Variants in FRS2 observed in about 807,000 individuals in gnomAD.
FRS2 encodes FGFR signalling adaptor.
In FRS2, 8 loss-of-function variants were observed where a neutral mutation model predicts 43.9. The observed-to-expected ratio is 0.18, with a 90% confidence interval of 0.11 to 0.33. The LOEUF is 0.33. FRS2 is among the 10% of genes least tolerant of loss of function. FRS2 has a pLI of 1.00. For synonymous variants in FRS2, 219 were observed against 220.3 expected (o/e 0.99, Z 0.05); for missense variants, 534 against 627.6 (o/e 0.85, Z 1.59).
At position 69,527,343 on chromosome 12, in the gene FRS2, AT is replaced by A. The variant is rs1166365306; in HGVS notation, c.-260-3501del. Among the ~76,000 whole-genome samples, 193 of 84,234 alleles carry A rather than the reference AT, an allele frequency of 2.3e-3. 3 individuals carry two copies. The highest frequency in any genetic ancestry group is 5.2e-3 in the East Asian group (10 of 1,912). The allele number at this position is 84,234 out of a possible 152,430, so 55.3% of individuals were successfully genotyped here. A position where few individuals can be genotyped will look rare whatever the true frequency, so the allele number is the denominator to read the frequency against. On this transcript the variant is annotated intron_variant, in intron 1 of 8. Transcript: ENST00000549921. ...GAGCAAAGTTTTTTTTTTTTTAATG[AT>A]TTTTTTTTTTTTTTTTTTTTAAAGA... is the stretch of plus-strand genomic sequence containing the variant.
chr12:69,543,839 G>A (rs900559852), intron 3 of FRS2, among the ~76,000 whole-genome samples: 1 of 152,116 alleles, frequency 6.6e-6, no homozygotes, highest in African/African-American at 2.4e-5. Context: ...TATGGAGAGA[G>A]AAGAATTTTA....
chr12:69,566,019 T>G (rs1880266619), intron 4 of FRS2, among the ~76,000 whole-genome samples: 1 of 151,962 alleles, frequency 6.6e-6, no homozygotes. Context: ...AACACATGAA[T>G]AATGTGTTGC....
chr12:69,531,402 A>G (rs754570081), intron 2 of FRS2, among the ~76,000 whole-genome samples: 4 of 152,178 alleles, frequency 2.6e-5, no homozygotes, highest in South Asian at 2.1e-4. Context: ...TACAAATTCT[A>G]CCATACAGCT....
At chr12:69,473,982 A>G (rs1473723906) in intron 1 of FRS2, among the ~76,000 whole-genome samples, 2 of 152,146 alleles carry the variant, frequency 1.3e-5, no homozygotes, top group Non-Finnish European at 2.9e-5. Context: ...AGCTGGGACT[A>G]CAGGTGCTCA....
rs186093869 is a variant in FRS2 at position 69,511,619 on chromosome 12, G to A, written c.-260-19246G>A. 4.9e-3 allele frequency among the ~76,000 whole-genome samples: 747 copies of A among 152,254 alleles called. 2 individuals carry two copies. The highest frequency in any genetic ancestry group is 6.2e-3 in the Non-Finnish European group (423 of 68,004). ...TGAACTGGTGGATTTACATGGAGAT[G>A]AATAGAGGATTAGGTCAGTCGTTGA... is the stretch of plus-strand genomic sequence containing the variant. On this transcript the variant is annotated intron_variant, in intron 1 of 8. Transcript: ENST00000549921.
At chr12:69,549,323 T>G (rs146416944) in intron 3 of FRS2, among the ~76,000 whole-genome samples, 2,182 of 152,224 alleles carry the variant, frequency 0.014, 56 homozygotes, top group African/African-American at 0.049. Flanking sequence ...AAATAATAAC[T>G]TAAGAAATAT....
At chr12:69,563,958 T>C (rs1232153437) in intron 4 of FRS2, among the ~76,000 whole-genome samples, 1 of 152,140 alleles carries the variant, frequency 6.6e-6, no homozygotes, top group East Asian at 1.9e-4. Context: ...CTTTTCTTTG[T>C]TTTTCCTATG....
At chr12:69,505,815 G>C (rs1239290008) in intron 1 of FRS2, among the ~76,000 whole-genome samples, 1 of 152,156 alleles carries the variant, frequency 6.6e-6, no homozygotes, top group Non-Finnish European at 1.5e-5. Context: ...CAGTAGATTG[G>C]ACCTCATTTT....
At chr12:69,476,677 T>C (rs1003816266) in intron 1 of FRS2, among the ~76,000 whole-genome samples, 2 of 149,696 alleles carry the variant, frequency 1.3e-5, no homozygotes, top group African/African-American at 4.9e-5. Context: ...CTTATTGAAA[T>C]TGCATCAGTT....
intron 3 of FRS2, among the ~76,000 whole-genome samples, chr12:69,553,363 G>T (rs934762021): frequency 6.6e-6 from 1 of 152,152 alleles, no homozygotes. Flanking sequence ...GAGCCACTGC[G>T]CCTGGCCCAC....
chr12:69,528,859 G>A (rs1189340142), intron 1 of FRS2, among the ~76,000 whole-genome samples: 1 of 152,224 alleles, frequency 6.6e-6, no homozygotes, highest in Non-Finnish European at 1.5e-5. Context: ...AAGCCAGAGA[G>A]AGAGATATCT....
At chr12:69,503,235 G>GC (rs36040427) in intron 1 of FRS2, among the ~76,000 whole-genome samples, 9 of 152,124 alleles carry the variant, frequency 5.9e-5, no homozygotes, top group South Asian at 4.2e-4. Flanking sequence ...TTTGCCATAT[G>GC]CCCCCCCTCC....
chr12:69,515,572 C>T (rs1055627031), intron 1 of FRS2, among the ~76,000 whole-genome samples: 1 of 152,020 alleles, frequency 6.6e-6, no homozygotes, highest in African/African-American at 2.4e-5. Context: ...CGCTCTCTTG[C>T]TGTCTCTCTC....
intron 3 of FRS2, among the ~76,000 whole-genome samples, chr12:69,552,061 T>G (rs181580925): frequency 6.6e-6 from 1 of 152,056 alleles, no homozygotes; most frequent in Non-Finnish European, 1.5e-5. Flanking sequence ...ATCCCAGCAC[T>G]TTAGGAGGCC....
At chr12:69,493,534 A>G (rs1872638177) in intron 1 of FRS2, among the ~76,000 whole-genome samples, 2 of 152,228 alleles carry the variant, frequency 1.3e-5, no homozygotes, top group South Asian at 4.1e-4. Flanking sequence ...CAGCCTGACC[A>G]GCATAAAGAA....
intron 1 of FRS2, among the ~76,000 whole-genome samples, chr12:69,490,117 GT>G (rs1256363999): frequency 3.9e-5 from 6 of 151,968 alleles, no homozygotes; most frequent in African/African-American, 1.5e-4. Flanking sequence ...TACTCTTTAT[GT>G]TACCGTTATG....
intron 3 of FRS2, among the ~76,000 whole-genome samples, chr12:69,556,325 TTTTCTTTC>T (rs147195769): frequency 2.5e-4 from 37 of 150,736 alleles, no homozygotes; most frequent in African/African-American, 7.5e-4. Flanking sequence ...TTTAATTTAC[TTTTCTTTC>T]TTTCTTTCTT....
chr12:69,484,761 G>A (rs529965685), intron 1 of FRS2, among the ~76,000 whole-genome samples: 2 of 152,254 alleles, frequency 1.3e-5, no homozygotes, highest in East Asian at 3.9e-4. Context: ...AGGAGTATTG[G>A]CCTTGACGTT....
At chr12:69,566,059 G>A (rs1185435245) in intron 4 of FRS2, among the ~76,000 whole-genome samples, 1 of 152,016 alleles carries the variant, frequency 6.6e-6, no homozygotes, top group Non-Finnish European at 1.5e-5. Flanking sequence ...TATAGTGTCA[G>A]TAGCTGACAG....
Sources: allele counts gnomAD v4.1 joint callset (sites outside exome capture counted in the v4.1 genomes callset), GRCh38; gene constraint gnomAD v4.1.1; transcripts MANE v1.5; gene names NCBI Gene and HGNC (gene_info 2026-07-23, HGNC 2026-07-21).